Variants in MAML2 observed in about 807,000 individuals in gnomAD.
MAML2 encodes mastermind like transcriptional coactivator 2.
In MAML2, 22 loss-of-function variants were observed where a neutral mutation model predicts 96.1. The observed-to-expected ratio is 0.23, with a 90% CI of 0.16 to 0.33. The LOEUF (loss-of-function observed/expected upper bound fraction) is 0.33, where lower values mean the gene tolerates loss of function less well. MAML2 is among the 10% of genes least tolerant of loss of function. The probability of loss-of-function intolerance (pLI) is 1.00; values close to 1 mark genes in which losing one functional copy is unlikely to be tolerated. For missense variants in MAML2, 1,367 were observed against 1,392.4 expected, an observed-to-expected ratio of 0.98 and a Z score of 0.29; for synonymous variants, 561 against 521.3, an observed-to-expected ratio of 1.08 and a Z score of -1.04.
At chr11:96,028,410 C>G (rs1052480270) in intron 2 of MAML2, among the ~76,000 whole-genome samples, 6 of 152,156 alleles carry the variant, frequency 3.9e-5, no homozygotes, top group African/African-American at 1.4e-4. Context: ...CCTCCTCGAC[C>G]CCAAGATTAA....
At chr11:96,184,114 C>G (rs1861534579) in intron 1 of MAML2, among the ~76,000 whole-genome samples, 1 of 152,156 alleles carries the variant, frequency 6.6e-6, no homozygotes, top group South Asian at 2.1e-4. Flanking sequence ...GTCACTGGGT[C>G]AGGCCAAGCA....
Position 95,979,716 on chromosome 11 carries a change from T to C in MAML2, c.2703A>G (p.Ala901=). The change falls in exon 5 of 5, where the codon GCA becomes GCG. Residue 901 remains alanine, a synonymous_variant. Coordinates refer to ENST00000524717, the MANE Select transcript of MAML2 (RefSeq NM_032427.4). ...GTGGCATCATAGGGTTGTTTTGATTTGCTAACAATTGCTTTGGGTTTCTCT... is the reference window on the plus strand; with the variant it reads ...GTGGCATCATAGGGTTGTTTTGATTCGCTAACAATTGCTTTGGGTTTCTCT... ...TQQRNPKQLL[A]NQNNPMMPRP... is the part of the protein sequence containing the mutation. 1 of 1,614,032 alleles carries C rather than the reference T, an allele frequency of 6.2e-7. No individual in the cohort carries two copies.
At chr11:96,268,204 C>G (rs777201779) in intron 1 of MAML2, among the ~76,000 whole-genome samples, 3 of 152,118 alleles carry the variant, frequency 2.0e-5, no homozygotes, top group Non-Finnish European at 4.4e-5. Context: ...GCTGGGTGCA[C>G]TGACTCATAC....
intron 1 of MAML2, among the ~76,000 whole-genome samples, chr11:96,107,272 A>G (rs1074742): frequency 0.49 from 74,320 of 151,906 alleles, 19,888 homozygotes; most frequent in Middle Eastern, 0.73. Flanking sequence ...TCTGAATTTA[A>G]GTCCTTGTTC....
At chr11:96,075,792 G>A (rs1458463041) in intron 2 of MAML2, among the ~76,000 whole-genome samples, 1 of 152,226 alleles carries the variant, frequency 6.6e-6, no homozygotes. Flanking sequence ...AAAAGCTAGT[G>A]AGGTTTGTGG....
At chr11:96,027,534 T>G (rs1228064168) in intron 2 of MAML2, among the ~76,000 whole-genome samples, 1 of 152,050 alleles carries the variant, frequency 6.6e-6, no homozygotes, top group Non-Finnish European at 1.5e-5. Context: ...ATGTGAAAAG[T>G]GCTCTGACAG....
At chr11:96,035,510 C>G (rs1321447912) in intron 2 of MAML2, among the ~76,000 whole-genome samples, 2 of 152,190 alleles carry the variant, frequency 1.3e-5, no homozygotes, top group South Asian at 2.1e-4. Flanking sequence ...TCATGTAGAG[C>G]AAGAAATAGT....
rs992638155 is a variant in MAML2 at position 96,328,939 on chromosome 11, C to T, written c.513+12444G>A. 2.0e-5 allele frequency among the ~76,000 whole-genome samples: 3 copies of T among 152,260 alleles called. No individual in the cohort carries two copies. The South Asian group carries it at 6.2e-4, about 32-fold the overall frequency. ...ATATTTAAAAAATGAAGTGGTGACA[C>T]ATATAAAATCCCATCCATCAATCTG... On this transcript the variant is annotated intron_variant, in intron 1 of 4. Transcript: ENST00000524717.
intron 1 of MAML2, among the ~76,000 whole-genome samples, chr11:96,262,146 T>G (rs1862758529): frequency 6.6e-6 from 1 of 152,244 alleles, no homozygotes; most frequent in African/African-American, 2.4e-5. Flanking sequence ...TGACATGTAC[T>G]AAAGTTCGAG....
chr11:95,999,819 A>G (rs1163210530), intron 2 of MAML2, among the ~76,000 whole-genome samples: 2 of 152,122 alleles, frequency 1.3e-5, no homozygotes, highest in African/African-American at 4.8e-5. Context: ...AAGATAAAAT[A>G]CCCAGCTGGG....
At chr11:96,331,630 T>C (rs1251687247) in intron 1 of MAML2, among the ~76,000 whole-genome samples, 1 of 149,048 alleles carries the variant, frequency 6.7e-6, no homozygotes, top group Non-Finnish European at 1.5e-5. Flanking sequence ...AAACCCCATC[T>C]CTACTAAAAA....
At position 95,978,172 on chromosome 11, in the gene MAML2, T is replaced by C. The variant is rs1297136214; in HGVS notation, c.*776A>G. The C allele has an allele frequency of 4.7e-6, 1 of 211,994 alleles. No homozygotes were observed. Among genetic ancestry groups the C allele is most frequent in the Non-Finnish European group, 9.6e-6 (1 of 104,562 alleles). The allele number at this position is 211,994 out of a possible 1,614,324, so 13.1% of individuals were successfully genotyped here. ...AAAAGTGAAATCTAATGCAGAGAGG[T>C]GTGCACCAATATTTCAGTATGATTA... On this transcript the variant is annotated 3_prime_UTR_variant, in exon 5 of 5. Coordinates refer to ENST00000524717, the MANE Select transcript of MAML2 (RefSeq NM_032427.4).
chr11:96,060,571 C>T (rs1859141468), intron 2 of MAML2, among the ~76,000 whole-genome samples: 1 of 152,088 alleles, frequency 6.6e-6, no homozygotes, highest in African/African-American at 2.4e-5. Context: ...GGCCCCAGAT[C>T]TAAATGAAAA....
chr11:95,988,448 C>T (rs775927324), intron 3 of MAML2, among the ~76,000 whole-genome samples: 10 of 142,930 alleles, frequency 7.0e-5, no homozygotes, highest in Admixed American at 2.2e-4. Context: ...TTAGTAGAGA[C>T]GGAGTTTTAC....
chr11:96,089,057 G>GAAA (rs34116311), intron 2 of MAML2, among the ~76,000 whole-genome samples: 13 of 150,216 alleles, frequency 8.7e-5, no homozygotes, highest in South Asian at 2.1e-4. Flanking sequence ...ATGACAAGCA[G>GAAA]AAAAAAAAAA....
At chr11:96,240,163 A>C (rs1466559148) in intron 1 of MAML2, among the ~76,000 whole-genome samples, 1 of 152,236 alleles carries the variant, frequency 6.6e-6, no homozygotes, top group Non-Finnish European at 1.5e-5. Flanking sequence ...ATTAAAATAA[A>C]CCATTTCAAA....
chr11:96,249,933 G>A (rs570548607), intron 1 of MAML2, among the ~76,000 whole-genome samples: 2 of 152,228 alleles, frequency 1.3e-5, no homozygotes, highest in South Asian at 4.1e-4. Context: ...GCCCTACAAG[G>A]TGTTCCTGCT....
chr11:96,231,112 A>T (rs1862287139), intron 1 of MAML2, among the ~76,000 whole-genome samples: 1 of 152,212 alleles, frequency 6.6e-6, no homozygotes, highest in Non-Finnish European at 1.5e-5. Flanking sequence ...AAAATAATTT[A>T]TAAGAAAAAA....
Position 96,094,571 on chromosome 11 carries a change from A to C in MAML2, c.514-1054T>G, listed in dbSNP as rs138412459. Among the ~76,000 whole-genome samples the C allele has an allele frequency of 2.6e-5, 4 of 152,344 alleles. No individual in the cohort carries two copies. The East Asian group carries it at 7.7e-4, about 29-fold the overall frequency. On this transcript the variant is annotated intron_variant, in intron 1 of 4. Coordinates refer to ENST00000524717, the MANE Select transcript of MAML2 (RefSeq NM_032427.4). ...TTGTGACTGTTAAAGTACTTCATTC[A>C]CAAACTAGCAATCAGATTATACTTT...
Sources: allele counts gnomAD v4.1 joint callset (sites outside exome capture counted in the v4.1 genomes callset), GRCh38; gene constraint gnomAD v4.1.1; transcripts MANE v1.5; gene names NCBI Gene and HGNC (gene_info 2026-07-23, HGNC 2026-07-21).